The following LPCAT2 variants were observed in gnomAD, a reference collection of about 807,000 sequenced individuals.
LPCAT2 encodes lysophosphatidylcholine acyltransferase 2.
A neutral mutation model predicts 64.7 loss-of-function variants in LPCAT2; 58 were observed. The observed-to-expected ratio is 0.90, with a 90% CI of 0.73 to 1.12. The LOEUF (loss-of-function observed/expected upper bound fraction) is 1.12. Among genes scored for constraint, LPCAT2 ranks in the 50% most tolerant of loss-of-function variants. The pLI, the probability that LPCAT2 is intolerant of heterozygous loss-of-function variation, is 0.00. For missense variants in LPCAT2, 579 were observed against 669.8 expected, an observed-to-expected ratio of 0.86 and a Z score of 1.50; for synonymous variants, 252 against 245.3, an observed-to-expected ratio of 1.03 and a Z score of -0.26.
intron 11 of LPCAT2, among the ~76,000 whole-genome samples, chr16:55,551,871 C>T (rs1482343275): frequency 6.6e-6 from 1 of 152,058 alleles, no homozygotes; most frequent in African/African-American, 2.4e-5. Context: ...ATCACTTGAG[C>T]CCAGGAGGCG....
In LPCAT2 at chr16:55,583,036, G is replaced by A. The variant is rs755842351; in HGVS notation, c.1573G>A (p.Ala525Thr). 35 of 1,613,492 alleles carry A rather than the reference G, an allele frequency of 2.2e-5. No homozygotes were observed. The highest frequency in any genetic ancestry group is 1.6e-4 in the Middle Eastern group (1 of 6,082). Reference sequence around the variant, plus strand: ...AGAAGTCCAGACAACCCCCTCCACCGCCAGTAATAAAGTCAGCCCTGAAAA... The same window carrying A: ...AGAAGTCCAGACAACCCCCTCCACCACCAGTAATAAAGTCAGCCCTGAAAA... Reference protein sequence around the residue: ...PKEVQTTPSTASNKVSPEKHE... With the variant: ...PKEVQTTPSTTSNKVSPEKHE... Residue 525 changes from alanine to threonine, a missense_variant, in exon 14 of 14, where the codon GCC becomes ACC. Transcript: ENST00000262134.
chr16:55,512,846 A>T (rs1962953404), intron 1 of LPCAT2, among the ~76,000 whole-genome samples: 1 of 152,196 alleles, frequency 6.6e-6, no homozygotes, highest in South Asian at 2.1e-4. Flanking sequence ...ATAGGAGAAA[A>T]GCTAGTCCTA....
chr16:55,550,863 A>G (rs1963508353), intron 10 of LPCAT2, 86 bp from the exon 11 acceptor site: 1 of 1,126,888 alleles, frequency 8.9e-7, no homozygotes, highest in East Asian at 2.6e-5. Context: ...TTTCTCCCAG[A>G]TACATTAATA....
chr16:55,551,902 C>T (rs1012289633), intron 11 of LPCAT2, among the ~76,000 whole-genome samples: 1 of 152,098 alleles, frequency 6.6e-6, no homozygotes, highest in Non-Finnish European at 1.5e-5. Flanking sequence ...GAGCCAAGAT[C>T]ATGCCACTGC....
At chr16:55,519,105 C>T (rs1444785427) in intron 1 of LPCAT2, among the ~76,000 whole-genome samples, 3 of 152,078 alleles carry the variant, frequency 2.0e-5, no homozygotes, top group Non-Finnish European at 2.9e-5. Context: ...ACTATCCACC[C>T]ATAATCCTGT....
At chr16:55,531,837 T>C in intron 4 of LPCAT2, 77 bp from the exon 5 acceptor site, 1 of 918,280 alleles carries the variant, frequency 1.1e-6, no homozygotes, top group Non-Finnish European at 1.8e-6. Context: ...CAGCTGTTTG[T>C]GAAGTCATAA....
chr16:55,562,439 G>A (rs538595211), intron 11 of LPCAT2, among the ~76,000 whole-genome samples: 2 of 151,882 alleles, frequency 1.3e-5, no homozygotes, highest in Non-Finnish European at 2.9e-5. Context: ...TACTAGCTGC[G>A]TGACCTTGGA....
chr16:55,577,566 G>A (rs1287261837), intron 12 of LPCAT2, among the ~76,000 whole-genome samples: 1 of 152,136 alleles, frequency 6.6e-6, no homozygotes, highest in African/African-American at 2.4e-5. Flanking sequence ...GTTAGTACAT[G>A]TAAAGTGATT....
chr16:55,539,300 C>A (rs1333478211), intron 8 of LPCAT2: 1 of 148,606 alleles, frequency 6.7e-6, no homozygotes, highest in Non-Finnish European at 1.5e-5. Context: ...CATTCTCCAG[C>A]CAGTTCTGAG....
At position 55,543,747 on chromosome 16, in the gene LPCAT2, C is replaced by T. The variant is rs181655180; in HGVS notation, c.853-1988C>T. On this transcript the variant is annotated intron_variant, in intron 8 of 13. Transcript: ENST00000262134. ...CACAGAATTCCAATGGGAAGGACTT[C>T]AGAGATCGTTTAGTTAAATTTTTTC... 7.2e-5 allele frequency among the ~76,000 whole-genome samples: 11 copies of T among 152,218 alleles called. No homozygotes were observed. In the East Asian group the frequency reaches 2.1e-3, roughly 29 times the overall value.
intron 2 of LPCAT2, among the ~76,000 whole-genome samples, chr16:55,527,344 G>T (rs1205256806): frequency 2.0e-5 from 3 of 151,806 alleles, no homozygotes; most frequent in African/African-American, 7.3e-5. Context: ...ATTAGGCCTG[G>T]TGGTGGGCGC....
At position 55,528,475 on chromosome 16, in the gene LPCAT2, A is replaced by G; in HGVS notation, c.410A>G (p.Glu137Gly). ...AAAGGAAAGATTGCAAGTCCTTTGGAAGCACCAGTTTTTGTTGCTGCCCCT... is the reference window on the plus strand; with the variant it reads ...AAAGGAAAGATTGCAAGTCCTTTGGGAGCACCAGTTTTTGTTGCTGCCCCT... ...AVKGKIASPL[E>G]APVFVAAPHS... is the part of the protein sequence containing the mutation. The change falls in exon 3 of 14, where the codon GAA (glutamate) becomes GGA (glycine). Residue 137 changes from glutamate to glycine, a missense_variant. Coordinates refer to ENST00000262134, the MANE Select transcript of LPCAT2 (RefSeq NM_017839.5). The G allele has an allele frequency of 1.2e-6, 2 of 1,614,046 alleles. No individual in the cohort carries two copies. The highest frequency in any genetic ancestry group is 1.7e-6 in the Non-Finnish European group (2 of 1,179,956).
intron 1 of LPCAT2, 146 bp downstream of exon 1, chr16:55,509,498 A>G: frequency 1.2e-6 from 1 of 847,444 alleles, no homozygotes; most frequent in Non-Finnish European, 1.6e-6. Context: ...GGCGGGCGAG[A>G]GTCTGAGGAG....
At chr16:55,540,243 C>T (rs1345399048) in intron 8 of LPCAT2, 3 of 152,124 alleles carry the variant, frequency 2.0e-5, no homozygotes, top group Non-Finnish European at 4.4e-5. Context: ...TAGTTCTAAA[C>T]CTCATGTCCT....
In LPCAT2 at chr16:55,528,606, T is replaced by C; in HGVS notation, c.529+12T>C. ...CCCTCTGATTGGCAGTAAGTACTTG[T>C]AAGGTAACGTAGATAAAATATTTTC... On this transcript the variant is annotated intron_variant, in intron 3 of 13. Coordinates refer to ENST00000262134, the MANE Select transcript of LPCAT2 (RefSeq NM_017839.5). 1 of 1,564,538 alleles carries C rather than the reference T, an allele frequency of 6.4e-7. No homozygotes were observed. Among genetic ancestry groups the C allele is most frequent in the Non-Finnish European group, 8.8e-7 (1 of 1,135,870 alleles).
At chr16:55,515,123 A>G (rs1962991591) in intron 1 of LPCAT2, among the ~76,000 whole-genome samples, 1 of 152,200 alleles carries the variant, frequency 6.6e-6, no homozygotes, top group Admixed American at 6.5e-5. Context: ...GAAAGGAGAA[A>G]GATGCAGAAA....
At chr16:55,580,837 T>C (rs1567408752) in intron 13 of LPCAT2, among the ~76,000 whole-genome samples, 1 of 151,514 alleles carries the variant, frequency 6.6e-6, no homozygotes, top group African/African-American at 2.4e-5. Context: ...TAGGAGCGCA[T>C]GAACCCTATT....
intron 1 of LPCAT2, among the ~76,000 whole-genome samples, chr16:55,521,893 A>G (rs918883301): frequency 6.6e-5 from 10 of 151,300 alleles, no homozygotes; most frequent in African/African-American, 2.4e-4. Context: ...AATTAATATC[A>G]TAGTGGTAAA....
chr16:55,536,384 G>A (rs188813225), intron 7 of LPCAT2, among the ~76,000 whole-genome samples: 77 of 152,262 alleles, frequency 5.1e-4, no homozygotes, highest in African/African-American at 1.8e-3. Flanking sequence ...TTTCAGAATA[G>A]AATGCATCTA....
Sources: gnomAD v4.1 joint callset for allele counts (sites outside exome capture counted in the v4.1 genomes callset) on GRCh38, gnomAD v4.1.1 for gene constraint, MANE v1.5 for transcripts, NCBI Gene and HGNC (gene_info 2026-07-23, HGNC 2026-07-21) for gene names.